Variants in STK32C observed in about 807,000 individuals in gnomAD.
STK32C encodes serine/threonine kinase 32C.
STK32C carries 31 observed loss-of-function variants against 56.5 expected under a neutral mutation model. That is an observed-to-expected ratio of 0.55 (90% CI 0.41 to 0.74). The LOEUF (loss-of-function observed/expected upper bound fraction) is 0.74. Ranked by LOEUF, STK32C falls within the 30% of genes least tolerant of loss-of-function variation. The probability of loss-of-function intolerance (pLI) is 0.00; values close to 1 mark genes in which losing one functional copy is unlikely to be tolerated. For missense variants in STK32C, 544 were observed against 676.9 expected, an observed-to-expected ratio of 0.80 and a Z score of 2.18; for synonymous variants, 309 against 289.4, an observed-to-expected ratio of 1.07 and a Z score of -0.69.
Position 132,226,878 on chromosome 10 carries a change from C to G in STK32C, c.561G>C (p.Gln187His). Residue 187 changes from glutamine to histidine, a missense_variant, in exon 4 of 12, where the codon CAG becomes CAC. By Grantham distance (24) the Gln-to-His change is conservative (BLOSUM62 0). Transcript: ENST00000298630. ...ACAGCCTCACCGTGTCCTCGGAGAA[C>G]TGCACGTTCTGCTGCAGGTGGTAGC... ...DLRYHLQQNV[Q>H]FSEDTVRLYI... 1 of 1,613,492 alleles carries G rather than the reference C, an allele frequency of 6.2e-7. No homozygotes were observed. The highest frequency in any genetic ancestry group is 8.5e-7 in the Non-Finnish European group (1 of 1,180,032).
chr10:132,294,051 G>T (rs182807327), intron 1 of STK32C, among the ~76,000 whole-genome samples: 317 of 152,346 alleles, frequency 2.1e-3, no homozygotes, highest in African/African-American at 7.3e-3. Context: ...ACACTCGAGT[G>T]GCAATGTCGA....
chr10:132,312,047 C>A (rs1470521223), upstream of STK32C, among the ~76,000 whole-genome samples: 1 of 152,184 alleles, frequency 6.6e-6, no homozygotes, highest in South Asian at 2.1e-4. Flanking sequence ...CACTGTGTTG[C>A]CCAGACTGGA....
intron 2 of STK32C, among the ~76,000 whole-genome samples, chr10:132,244,054 G>A (rs2063599562): frequency 6.6e-6 from 1 of 152,180 alleles, no homozygotes; most frequent in South Asian, 2.1e-4. Flanking sequence ...ACCCTTCTCA[G>A]CCCTCATCCT....
chr10:132,249,205 T>G (rs1354255451), intron 1 of STK32C: 14 of 241,988 alleles, frequency 5.8e-5, no homozygotes, highest in South Asian at 1.1e-4. Context: ...GGCGGGGCCG[T>G]GGGGTTGCGG....
At chr10:132,274,824 C>T (rs931313712) in intron 1 of STK32C, among the ~76,000 whole-genome samples, 1 of 152,254 alleles carries the variant, frequency 6.6e-6, no homozygotes, top group African/African-American at 2.4e-5. Context: ...CACAGGCAGC[C>T]AGCAGGCGCC....
chr10:132,296,159 G>A (rs1333608669), intron 1 of STK32C, among the ~76,000 whole-genome samples: 1 of 150,770 alleles, frequency 6.6e-6, no homozygotes, highest in African/African-American at 2.4e-5. Context: ...AATCCTGAGA[G>A]AAACATCAAA....
At position 132,226,878 on chromosome 10, in the gene STK32C, C is replaced by T. The variant is rs1240719394; in HGVS notation, c.561G>A (p.Gln187=). 1.2e-6 allele frequency: 2 copies of T among 1,613,374 alleles called. No individual in the cohort carries two copies. Among genetic ancestry groups the T allele is most frequent in the East Asian group, 4.5e-5 (2 of 44,894 alleles). Residue 187 remains glutamine, a synonymous_variant, in exon 4 of 12, where the codon CAG becomes CAA. Transcript: ENST00000298630. ...ACAGCCTCACCGTGTCCTCGGAGAACTGCACGTTCTGCTGCAGGTGGTAGC... is the reference window on the plus strand; with the variant it reads ...ACAGCCTCACCGTGTCCTCGGAGAATTGCACGTTCTGCTGCAGGTGGTAGC... ...DLRYHLQQNV[Q]FSEDTVRLYI...
rs1192409583 is a variant in STK32C at position 132,292,867 on chromosome 10, G to A, written c.262+14705C>T. Among the ~76,000 whole-genome samples the A allele has an allele frequency of 2.0e-5, 3 of 152,062 alleles. 1 individual carries two copies. Among genetic ancestry groups the A allele is most frequent in the South Asian group, 4.1e-4 (2 of 4,824 alleles). ...CCTCTGGAGATGGCACCCAAGCCCCGCGACGACCCGCTGCCGGTCCCTCCC... is the reference window on the plus strand; with the variant it reads ...CCTCTGGAGATGGCACCCAAGCCCCACGACGACCCGCTGCCGGTCCCTCCC... On this transcript the variant is annotated intron_variant, in intron 1 of 11. Transcript: ENST00000298630.
chr10:132,248,264 TG>T lies in STK32C; in HGVS notation c.263-2310del, dbSNP rs1385904557. Among the ~76,000 whole-genome samples the T allele has an allele frequency of 1.1e-4, 16 of 151,990 alleles. No individual in the cohort carries two copies. In the South Asian group the frequency reaches 3.3e-3, roughly 32 times the overall value. On this transcript the variant is annotated intron_variant, in intron 1 of 11. Coordinates refer to ENST00000298630, the MANE Select transcript of STK32C (RefSeq NM_173575.4). ...ACGTGGGACAGATGGGCTGAACTAG[TG>T]GAGGGAGGAGAGTGAGAGGGCAGCT...
intron 7 of STK32C, 94 bp from the exon 8 acceptor site, chr10:132,224,617 C>T (rs979302767): frequency 2.9e-5 from 26 of 893,798 alleles, no homozygotes; most frequent in Non-Finnish European, 3.9e-5. Context: ...TGAGAGGACC[C>T]CCTCCCCCCA....
At position 132,307,545 on chromosome 10, in the gene STK32C, C is replaced by G. The variant is rs754658333; in HGVS notation, c.262+27G>C. On this transcript the variant is annotated intron_variant, in intron 1 of 11. Transcript: ENST00000298630. This position sits in a 1 kb window ranked among gnomAD's most constrained non-coding sequence, Gnocchi z 4.4. ...CCGCCCCTGCAATAGCGCGCGGCCC[C>G]CACGTCGTCCCCGTGCCCGCACTCA... 1.1e-5 allele frequency: 17 copies of G among 1,538,478 alleles called. No homozygotes were observed. The highest frequency in any genetic ancestry group is 2.1e-4 in the Middle Eastern group (1 of 4,686).
chr10:132,305,016 G>A (rs1212408381), intron 1 of STK32C, among the ~76,000 whole-genome samples: 1 of 152,212 alleles, frequency 6.6e-6, no homozygotes, highest in Non-Finnish European at 1.5e-5. Context: ...AGGTTCACTT[G>A]GTATCACCAG....
At chr10:132,282,218 C>T (rs2065234702) in intron 1 of STK32C, among the ~76,000 whole-genome samples, 1 of 152,232 alleles carries the variant, frequency 6.6e-6, no homozygotes. Context: ...CCGCACCACG[C>T]CCGAGAGGCT....
rs577122332 is a variant in STK32C at position 132,293,022 on chromosome 10, C to T, written c.262+14550G>A. Among the ~76,000 whole-genome samples, 5 of 152,322 alleles carry T rather than the reference C, an allele frequency of 3.3e-5. No individual in the cohort carries two copies. The East Asian group carries it at 5.8e-4, about 18-fold the overall frequency. On this transcript the variant is annotated intron_variant, in intron 1 of 11. Transcript: ENST00000298630. ...AGGAGATGAAACCTGCCCCACGCAA[C>T]GTGCAGGGCAAGAGGCTGACCCAGA...
exon 1 of STK32C, chr10:132,331,785 C>G: frequency 6.2e-7 from 1 of 1,607,368 alleles, no homozygotes; most frequent in Non-Finnish European, 8.5e-7. Flanking sequence ...CCCTCCAGAC[C>G]CTCGCGGTCT....
intron 2 of STK32C, among the ~76,000 whole-genome samples, 166 bp downstream of exon 2, chr10:132,245,734 T>C (rs1323442390): frequency 6.6e-6 from 1 of 152,230 alleles, no homozygotes; most frequent in Non-Finnish European, 1.5e-5. Flanking sequence ...GCTGCCTCCG[T>C]GGCAGGAGTG....
intron 1 of STK32C, among the ~76,000 whole-genome samples, chr10:132,305,276 G>A (rs959744360): frequency 6.6e-6 from 1 of 152,226 alleles, no homozygotes; most frequent in African/African-American, 2.4e-5. Context: ...TTAGGAAAAT[G>A]GTTCTGGAGT....
chr10:132,239,058 C>T (rs1168099120), intron 2 of STK32C, among the ~76,000 whole-genome samples: 2 of 152,180 alleles, frequency 1.3e-5, no homozygotes, highest in African/African-American at 2.4e-5. Context: ...GGAGGAAGAT[C>T]ACACTGCACT....
chr10:132,220,209 G>A (rs952147790), intron 10 of STK32C, among the ~76,000 whole-genome samples: 2 of 152,240 alleles, frequency 1.3e-5, no homozygotes, highest in East Asian at 1.9e-4. Context: ...TATGAGAAGA[G>A]GGGAGGAGAT....
Sources: gnomAD v4.1 joint callset for allele counts (sites outside exome capture counted in the v4.1 genomes callset) on GRCh38, gnomAD v4.1.1 for gene constraint, Gnocchi (gnomAD v3.1) non-coding constraint, MANE v1.5 for transcripts, NCBI Gene and HGNC (gene_info 2026-07-23, HGNC 2026-07-21) for gene names.